Variants in IQSEC1 observed in about 807,000 individuals in gnomAD.
IQSEC1 encodes IQ motif and Sec7 domain ArfGEF 1, also known as IQ motif and SEC7 domain-containing protein 1.
IQSEC1 carries 31 observed loss-of-function variants against 91.0 expected under a neutral mutation model. The observed-to-expected ratio is 0.34, with a 90% CI of 0.26 to 0.46. IQSEC1 has a LOEUF of 0.46. Ranked by LOEUF, IQSEC1 falls within the 20% of genes least tolerant of loss-of-function variation. IQSEC1 has a pLI of 1.00. For synonymous variants in IQSEC1, 699 were observed against 662.6 expected (o/e 1.05, Z -0.84); for missense variants, 1,388 against 1,575.6 (o/e 0.88, Z 2.02).
chr3:12,947,100 C>T (rs1699229082), intron 1 of IQSEC1, among the ~76,000 whole-genome samples: 1 of 152,258 alleles, frequency 6.6e-6, no homozygotes, highest in African/African-American at 2.4e-5. Context: ...AGAGCTGGGG[C>T]TGTGCAGCCG....
chr3:12,938,273 C>T (rs1018732050), intron 2 of IQSEC1, among the ~76,000 whole-genome samples: 1 of 152,190 alleles, frequency 6.6e-6, no homozygotes, highest in African/African-American at 2.4e-5. Flanking sequence ...TCCTTGCCCT[C>T]GAGGAGCGAG....
intron 1 of IQSEC1, among the ~76,000 whole-genome samples, chr3:13,254,975 A>G (rs1695261216): frequency 6.6e-6 from 1 of 152,266 alleles, no homozygotes; most frequent in South Asian, 2.1e-4. Flanking sequence ...GACAAGGCAC[A>G]TCCACACAGC....
intron 2 of IQSEC1, among the ~76,000 whole-genome samples, chr3:13,098,009 G>A (rs62232953): frequency 0.032 from 4,886 of 152,346 alleles, 81 homozygotes; most frequent in African/African-American, 0.037. Flanking sequence ...TGAAGGCCAA[G>A]CCTGAGCATC....
At chr3:12,938,182 T>C (rs915269032) in intron 2 of IQSEC1, among the ~76,000 whole-genome samples, 1 of 152,206 alleles carries the variant, frequency 6.6e-6, no homozygotes, top group African/African-American at 2.4e-5. Flanking sequence ...GGCAAAGCGT[T>C]GCACCTGCCT....
intron 1 of IQSEC1, among the ~76,000 whole-genome samples, chr3:12,978,372 C>A (rs559621344): frequency 3.1e-4 from 47 of 152,284 alleles, no homozygotes; most frequent in Middle Eastern, 6.8e-3. Context: ...TTCCCACCCC[C>A]CAGATGACTG....
At chr3:13,002,420 G>A (rs1012067924) in intron 1 of IQSEC1, among the ~76,000 whole-genome samples, 15 of 152,102 alleles carry the variant, frequency 9.9e-5, no homozygotes, top group Non-Finnish European at 1.8e-4. Context: ...ATAGGCTCAT[G>A]CCTGTAATCT....
At chr3:13,025,603 G>A (rs1011307959) in intron 1 of IQSEC1, among the ~76,000 whole-genome samples, 2 of 152,232 alleles carry the variant, frequency 1.3e-5, no homozygotes, top group Non-Finnish European at 2.9e-5. Flanking sequence ...CTCCTCGCCT[G>A]TTGAGATGTG....
chr3:13,266,390 G>A (rs1007367331), intron 1 of IQSEC1, among the ~76,000 whole-genome samples: 33 of 152,176 alleles, frequency 2.2e-4, no homozygotes, highest in African/African-American at 7.7e-4. Context: ...GTTCTAACTA[G>A]CCCAAACGCC....
chr3:12,956,174 C>A (rs896697329), intron 1 of IQSEC1, among the ~76,000 whole-genome samples: 14 of 152,170 alleles, frequency 9.2e-5, no homozygotes, highest in Non-Finnish European at 1.6e-4. Context: ...GCCACAGTCC[C>A]CACCACTCCT....
chr3:13,023,253 G>T (rs1703480739), intron 1 of IQSEC1, among the ~76,000 whole-genome samples: 1 of 152,116 alleles, frequency 6.6e-6, no homozygotes, highest in Non-Finnish European at 1.5e-5. Flanking sequence ...TGGGGTCTGG[G>T]CCCAGGCTGG....
chr3:13,055,133 G>T (rs1015431948), intron 1 of IQSEC1, among the ~76,000 whole-genome samples: 1 of 152,194 alleles, frequency 6.6e-6, no homozygotes, highest in Non-Finnish European at 1.5e-5. Flanking sequence ...ACAGTGCGGC[G>T]ATTGTCCCGG....
Position 13,073,071 on chromosome 3 carries a change from G to C in IQSEC1, c.-57C>G, listed in dbSNP as rs1260534099. ...TCCCTCTCCAGCGGGGAGGCTCAAC[G>C]TGTTTCCAAGAGGAGCAGGCGGCTC... On this transcript the variant is annotated 5_prime_UTR_variant, in exon 1 of 14. Coordinates refer to ENST00000613206, the MANE Select transcript of IQSEC1 (RefSeq NM_001134382.3). 4 of 1,549,962 alleles carry C rather than the reference G, an allele frequency of 2.6e-6. No individual in the cohort carries two copies. The highest frequency in any genetic ancestry group is 3.5e-6 in the Non-Finnish European group (4 of 1,145,600).
chr3:12,900,531 CTTA>C lies in IQSEC1; in HGVS notation c.*449_*451del, dbSNP rs1433792208. The C allele has an allele frequency of 5.2e-6, 5 of 961,596 alleles. No individual in the cohort carries two copies. The East Asian group carries it at 5.7e-4, about 110-fold the overall frequency. The allele number at this position is 961,596 out of a possible 1,614,324, so 59.6% of individuals were successfully genotyped here. A position where few individuals can be genotyped will look rare whatever the true frequency, so the allele number is the denominator to read the frequency against. On this transcript the variant is annotated 3_prime_UTR_variant, in exon 14 of 14. Coordinates refer to ENST00000613206, the MANE Select transcript of IQSEC1 (RefSeq NM_001134382.3). ...ATTTTCATCAACCATATCAGGTCTA[CTTA>C]TTTTTTTGCCCATTGTCAATAAAAG...
intron 12 of IQSEC1, among the ~76,000 whole-genome samples, chr3:12,904,687 G>C (rs1694774980): frequency 6.6e-6 from 1 of 152,166 alleles, no homozygotes; most frequent in Non-Finnish European, 1.5e-5. Context: ...ATGTCTCTAG[G>C]TTTTCAAATC....
chr3:13,227,375 C>CAAAAAAAA (rs753199634), intron 1 of IQSEC1, among the ~76,000 whole-genome samples: 18 of 69,594 alleles, frequency 2.6e-4, no homozygotes, highest in Middle Eastern at 7.4e-3. Context: ...GACTCTGTCT[C>CAAAAAAAA]AAAAAAAAAA....
At chr3:13,027,831 CT>C (rs1242423918) in intron 1 of IQSEC1, among the ~76,000 whole-genome samples, 1 of 152,132 alleles carries the variant, frequency 6.6e-6, no homozygotes, top group Non-Finnish European at 1.5e-5. Context: ...AATAAGGGCT[CT>C]GATTTTTCAG....
intron 1 of IQSEC1, among the ~76,000 whole-genome samples, chr3:12,944,368 G>A (rs1559656769): frequency 6.6e-6 from 1 of 152,202 alleles, no homozygotes. Flanking sequence ...CTGTACAAAG[G>A]AGCAAATGAG....
chr3:13,227,454 T>C lies in IQSEC1; in HGVS notation c.272+55257A>G, dbSNP rs76375785. ...AAAAATCCTGCCCTCTCGTAGCTCA[T>C]GTTCTAGTGGGGACACTGGAGGGGC... On this transcript the variant is annotated intron_variant, in intron 1 of 15. Coordinates refer to the IQSEC1 transcript ENST00000648114. Among the ~76,000 whole-genome samples, 1,280 of 147,780 alleles carry C rather than the reference T, an allele frequency of 8.7e-3. 9 individuals carry two copies. The highest frequency in any genetic ancestry group is 0.013 in the Non-Finnish European group (850 of 67,352).
intron 1 of IQSEC1, chr3:13,047,472 C>T: frequency 1.0e-6 from 1 of 985,302 alleles, no homozygotes; most frequent in African/African-American, 1.7e-5. Context: ...GACGGCAAGA[C>T]AGTACCTGTA....
Sources: gnomAD v4.1 joint callset for allele counts (sites outside exome capture counted in the v4.1 genomes callset) on GRCh38, gnomAD v4.1.1 for gene constraint, MANE v1.5 for transcripts, NCBI Gene and HGNC (gene_info 2026-07-23, HGNC 2026-07-21) for gene names.